TESC: variants seen among roughly 807,000 people sequenced by gnomAD.
The protein encoded by TESC is tescalcin.
A neutral mutation model predicts 31.0 loss-of-function variants in TESC; 19 were observed. The ratio of observed to expected loss-of-function variants is 0.61; its 90% CI spans 0.43 to 0.90. TESC has a LOEUF of 0.90. Among genes scored for constraint, TESC ranks in the 40% least tolerant of loss-of-function variants. TESC has a pLI of 0.00. For synonymous variants in TESC, 109 were observed against 114.8 expected (o/e 0.95, Z 0.32); for missense variants, 248 against 303.8 (o/e 0.82, Z 1.36).
chr12:117,082,059 A>AC (rs1955156093), intron 1 of TESC, among the ~76,000 whole-genome samples: 3 of 128,646 alleles, frequency 2.3e-5, no homozygotes, highest in Admixed American at 1.5e-4. Flanking sequence ...TCCCATCTAT[A>AC]CAAAAAAAAA....
chr12:117,090,343 T>C (rs1170074480), intron 1 of TESC, among the ~76,000 whole-genome samples: 1 of 152,196 alleles, frequency 6.6e-6, no homozygotes, highest in Non-Finnish European at 1.5e-5. Flanking sequence ...GTGATTAAGT[T>C]TAGGCATGTC....
At chr12:117,048,816 G>A (rs1954604607) in intron 4 of TESC, 1 of 800,294 alleles carries the variant, frequency 1.2e-6, no homozygotes, top group Non-Finnish European at 2.1e-6. Flanking sequence ...ACAAGCTGCT[G>A]AGGAATGTTT....
At chr12:117,076,926 G>T (rs1406654116) in intron 1 of TESC, among the ~76,000 whole-genome samples, 1 of 152,098 alleles carries the variant, frequency 6.6e-6, no homozygotes, top group Non-Finnish European at 1.5e-5. Flanking sequence ...TTTAGGTCTG[G>T]TTCCTGGGGA....
chr12:117,049,674 GC>G (rs10711604), intron 3 of TESC, among the ~76,000 whole-genome samples: 26,129 of 151,972 alleles, frequency 0.17, 2,348 homozygotes, highest in South Asian at 0.29. Context: ...GCCGAGGTGG[GC>G]AGATCACCTG....
rs1014959379 is a variant in TESC, at chr12:117,099,312, C to G, written c.-30G>C. 3.5e-6 allele frequency: 5 copies of G among 1,420,302 alleles called. No individual in the cohort carries two copies. The Admixed American group carries it at 1.2e-4, about 33-fold the overall frequency. The allele number at this position is 1,420,302 out of a possible 1,614,324, so 88.0% of individuals were successfully genotyped here. Reference sequence around the variant, plus strand: ...CCCGCGGCGGGGGCCCCGGGGCGCGCGTCCCTCTCAGGCCCCGCACTGGCT... The same window carrying G: ...CCCGCGGCGGGGGCCCCGGGGCGCGGGTCCCTCTCAGGCCCCGCACTGGCT... On this transcript the variant is annotated 5_prime_UTR_variant, in exon 1 of 8. Transcript: ENST00000335209.
intron 2 of TESC, among the ~76,000 whole-genome samples, chr12:117,067,235 C>A (rs902347778): frequency 6.6e-6 from 1 of 152,060 alleles, no homozygotes. Context: ...CTAGGTAGGG[C>A]CTCAGCAACT....
intron 1 of TESC, among the ~76,000 whole-genome samples, chr12:117,099,021 C>A (rs889090846): frequency 1.2e-4 from 19 of 152,154 alleles, no homozygotes; most frequent in African/African-American, 3.6e-4. Flanking sequence ...TGAGCGGCTG[C>A]GGCACTGAGC....
At chr12:117,098,610 C>T (rs1023903529) in intron 1 of TESC, 1 of 152,370 alleles carries the variant, frequency 6.6e-6, no homozygotes, top group Admixed American at 6.5e-5. Context: ...TCCCGGGAGA[C>T]TCAGCGAACT....
chr12:117,082,060 C>CA (rs61375772), intron 1 of TESC, among the ~76,000 whole-genome samples: 33,144 of 118,854 alleles, frequency 0.28, 4,130 homozygotes, highest in Middle Eastern at 0.32. Context: ...CCCATCTATA[C>CA]AAAAAAAAAA....
intron 6 of TESC, among the ~76,000 whole-genome samples, chr12:117,044,766 A>G (rs1184831382): frequency 6.6e-6 from 1 of 152,190 alleles, no homozygotes; most frequent in Non-Finnish European, 1.5e-5. Flanking sequence ...GCGTAGTGGC[A>G]CACGCCTGTA....
intron 7 of TESC, 43 bp from the exon 8 acceptor site, chr12:117,039,253 A>G: frequency 6.3e-7 from 1 of 1,575,018 alleles, no homozygotes. Flanking sequence ...TCCCGCCGCC[A>G]CCTCACACCT....
intron 3 of TESC, among the ~76,000 whole-genome samples, chr12:117,053,755 C>CACACAT (rs919203745): frequency 6.6e-6 from 1 of 152,150 alleles, no homozygotes; most frequent in South Asian, 2.1e-4. Flanking sequence ...CACGCGCACA[C>CACACAT]ACACATACAC....
chr12:117,051,950 ATTTT>A (rs914366375), intron 3 of TESC, among the ~76,000 whole-genome samples: 3 of 152,116 alleles, frequency 2.0e-5, no homozygotes, highest in African/African-American at 7.2e-5. Flanking sequence ...TTATTTATTT[ATTTT>A]TTAAGAGATG....
intron 3 of TESC, chr12:117,053,867 CGCCTCCCACCCTGAT>C (rs1954684238): frequency 6.6e-6 from 1 of 152,358 alleles, no homozygotes; most frequent in Non-Finnish European, 1.5e-5. Flanking sequence ...AGGGGCCGCA[CGCCTCCCACCCTGAT>C]GCCTGCTCTG....
At chr12:117,069,608 T>G (rs1473003212) in intron 2 of TESC, among the ~76,000 whole-genome samples, 1 of 152,012 alleles carries the variant, frequency 6.6e-6, no homozygotes, top group African/African-American at 2.4e-5. Flanking sequence ...GGCCTTGAAG[T>G]GGGGCTTTCA....
intron 2 of TESC, among the ~76,000 whole-genome samples, chr12:117,067,497 G>A (rs1056396004): frequency 3.9e-5 from 6 of 152,116 alleles, no homozygotes; most frequent in South Asian, 2.1e-4. Flanking sequence ...GCTTGAGCCC[G>A]GGAGTCGGAG....
At chr12:117,080,862 G>T (rs1041096769) in intron 1 of TESC, among the ~76,000 whole-genome samples, 1 of 152,096 alleles carries the variant, frequency 6.6e-6, no homozygotes, top group Non-Finnish European at 1.5e-5. Flanking sequence ...CAAAGCCCAC[G>T]GAAGGACCTG....
intron 4 of TESC, 195 bp downstream of exon 4, chr12:117,048,824 T>G: frequency 1.2e-6 from 1 of 841,894 alleles, no homozygotes; most frequent in Non-Finnish European, 1.9e-6. Flanking sequence ...CTGAGGAATG[T>G]TTAGGATGAA....
At chr12:117,075,152 A>T in intron 2 of TESC, 119 bp downstream of exon 2, 2 of 1,078,012 alleles carry the variant, frequency 1.9e-6, no homozygotes, top group Non-Finnish European at 2.7e-6. Flanking sequence ...TCTCCAAAAT[A>T]AATAAAAAAT....
Sources: gnomAD v4.1 joint callset for allele counts (sites outside exome capture counted in the v4.1 genomes callset) on GRCh38, gnomAD v4.1.1 for gene constraint, MANE v1.5 for transcripts, NCBI Gene and HGNC (gene_info 2026-07-23, HGNC 2026-07-21) for gene names.